ADGRG2: variants seen among roughly 807,000 people sequenced by gnomAD.
The protein encoded by ADGRG2 is G protein-coupled receptor 64.
In ADGRG2, 26 loss-of-function variants were observed where a neutral mutation model predicts 74.1. The observed-to-expected ratio is 0.35, with a 90% CI of 0.26 to 0.49. The LOEUF (loss-of-function observed/expected upper bound fraction) is 0.49. ADGRG2 is among the 20% of genes least tolerant of loss of function. The pLI, the probability that ADGRG2 is intolerant of heterozygous loss-of-function variation, is 0.99. For synonymous variants in ADGRG2, 296 were observed against 295.2 expected (o/e 1.00, Z -0.03); for missense variants, 619 against 763.1 (o/e 0.81, Z 2.22).
chrX:19,063,706 G>A (rs5955686), intron 3 of ADGRG2, among the ~76,000 whole-genome samples: 2,643 of 111,781 alleles, frequency 0.024, 42 homozygotes, highest in Middle Eastern at 0.046. Flanking sequence ...AAGGAAGCCC[G>A]TAATGAGTGT....
intron 2 of ADGRG2, among the ~76,000 whole-genome samples, chrX:19,070,639 T>C (rs747761725): frequency 5.8e-4 from 65 of 112,246 alleles, no homozygotes; most frequent in African/African-American, 2.1e-3. Context: ...CAGAGGGAAG[T>C]GGCTGGGACA....
chrX:19,001,626 C>T (rs2060134104), intron 24 of ADGRG2, among the ~76,000 whole-genome samples: 2 of 111,698 alleles, frequency 1.8e-5, no homozygotes, highest in Admixed American at 9.5e-5. Context: ...GTATCTGGAG[C>T]GTTGACTTAT....
chrX:18,991,757 C>T (rs775779904), intron 28 of ADGRG2, among the ~76,000 whole-genome samples: 120 of 111,913 alleles, frequency 1.1e-3, no homozygotes, highest in Non-Finnish European at 1.8e-3. Flanking sequence ...GTGCTGGCCT[C>T]CTCTAGTTAC....
intron 1 of ADGRG2, among the ~76,000 whole-genome samples, chrX:19,112,764 C>T (rs1441120990): frequency 2.8e-5 from 3 of 108,625 alleles, no homozygotes; most frequent in Non-Finnish European, 5.7e-5. Context: ...TCGAGACCAT[C>T]CTGGCCAACA....
chrX:19,012,235 C>T (rs776152432), intron 16 of ADGRG2, among the ~76,000 whole-genome samples: 1 of 111,619 alleles, frequency 9.0e-6, no homozygotes, highest in Non-Finnish European at 1.9e-5. Context: ...TCCTGGGTAA[C>T]ACCTCAATCT....
At chrX:19,042,819 C>T (rs762605866) in intron 3 of ADGRG2, among the ~76,000 whole-genome samples, 4 of 110,923 alleles carry the variant, frequency 3.6e-5, no homozygotes, top group East Asian at 2.8e-4. Context: ...GGCGAAACCC[C>T]GTCTCTACTA....
rs2060581019 is a variant in ADGRG2 at position 19,021,182 on chromosome X, A to T, written c.565T>A (p.Phe189Ile). 1 of 1,033,052 alleles carries T rather than the reference A, an allele frequency of 9.7e-7. No individual in the cohort carries two copies. The highest frequency in any genetic ancestry group is 3.0e-5 in the East Asian group (1 of 33,084). 85.1% of individuals were successfully genotyped at this position (1,033,052 alleles called of 1,213,427 possible). Reference protein sequence around the residue: ...AEAQSTLNCTFTIKLNNTMNA... With the variant: ...AEAQSTLNCTITIKLNNTMNA... ...ATTGTATTATTCAGTTTTATTGTGA[A>T]TGTACAATTTAATGTGCTGTAAGGA... The change falls in exon 14 of 29, where the codon TTC (phenylalanine) becomes ATC (isoleucine). Residue 189 changes from phenylalanine (F) to isoleucine (I), a missense_variant. By Grantham distance (21) the Phe-to-Ile change is conservative. Coordinates refer to ENST00000379869, the MANE Select transcript of ADGRG2 (RefSeq NM_001079858.3).
At chrX:19,031,429 A>G (rs1327987971) in intron 8 of ADGRG2, 1 of 135,229 alleles carries the variant, frequency 7.4e-6, no homozygotes, top group Non-Finnish European at 1.5e-5. Context: ...GAGTCTATGA[A>G]CACTCTAATG....
intron 1 of ADGRG2, among the ~76,000 whole-genome samples, chrX:19,105,391 T>G (rs745811101): frequency 3.5e-4 from 39 of 112,466 alleles, no homozygotes; most frequent in Non-Finnish European, 5.8e-4. Context: ...CCAACTATAA[T>G]TAGTTGCTAT....
At chrX:19,098,816 A>G (rs1012412584) in intron 1 of ADGRG2, among the ~76,000 whole-genome samples, 1 of 112,179 alleles carries the variant, frequency 8.9e-6, no homozygotes, top group Non-Finnish European at 1.9e-5. Context: ...TCAATCACCT[A>G]TTAACCCAGA....
chrX:19,063,071 C>T (rs919471244), intron 3 of ADGRG2, among the ~76,000 whole-genome samples: 13 of 109,988 alleles, frequency 1.2e-4, no homozygotes, highest in Non-Finnish European at 2.3e-4. Context: ...TGCCAAAACC[C>T]ATTCTGGTAG....
chrX:19,112,336 G>A (rs2062426412), intron 1 of ADGRG2, among the ~76,000 whole-genome samples: 1 of 111,025 alleles, frequency 9.0e-6, no homozygotes, highest in African/African-American at 3.3e-5. Context: ...GCCTCCCAAA[G>A]TACTGGGATT....
At chrX:19,049,455 T>TTTTTTTTTTTTTTTTTTTTTTTTTTTTG (rs1328733136) in intron 3 of ADGRG2, among the ~76,000 whole-genome samples, 1 of 90,996 alleles carries the variant, frequency 1.1e-5, no homozygotes, top group Non-Finnish European at 2.1e-5. Context: ...TTTTTTTTTT[T>TTTTTTTTTTTTTTTTTTTTTTTTTTTTG]TTGTTGTTGT....
At chrX:19,015,411 A>G (rs765774987) in intron 15 of ADGRG2, among the ~76,000 whole-genome samples, 214 of 112,436 alleles carry the variant, frequency 1.9e-3, no homozygotes, top group African/African-American at 6.6e-3. Context: ...ACAGTCAGAA[A>G]CATCATGAGT....
chrX:19,023,850 T>C, intron 12 of ADGRG2, 59 bp downstream of exon 12: 2 of 806,297 alleles, frequency 2.5e-6, no homozygotes, highest in Non-Finnish European at 3.8e-6. Flanking sequence ...CAGAACCCTA[T>C]GCTTTCCCCC....
chrX:19,119,742 T>C (rs1018938161), intron 1 of ADGRG2, among the ~76,000 whole-genome samples: 2 of 111,606 alleles, frequency 1.8e-5, no homozygotes, highest in Non-Finnish European at 3.8e-5. Context: ...ACATCAGCCA[T>C]GGAAAATCAG....
intron 9 of ADGRG2, among the ~76,000 whole-genome samples, chrX:19,030,360 C>T (rs983611063): frequency 4.0e-4 from 45 of 112,294 alleles, no homozygotes; most frequent in African/African-American, 1.4e-3. Context: ...GTGGTTGTTT[C>T]ATTCCGTCTG....
intron 15 of ADGRG2, among the ~76,000 whole-genome samples, chrX:19,016,350 C>T (rs1488351661): frequency 9.1e-6 from 1 of 109,719 alleles, no homozygotes; most frequent in Non-Finnish European, 1.9e-5. Context: ...AACCTAAGAA[C>T]CAACATATTA....
chrX:19,118,857 A>AGC (rs769925260), intron 1 of ADGRG2, among the ~76,000 whole-genome samples: 7 of 112,795 alleles, frequency 6.2e-5, no homozygotes, highest in Non-Finnish European at 1.1e-4. Context: ...GATACTGCTC[A>AGC]GCAACAGTAA....
Sources: allele counts gnomAD v4.1 joint callset (sites outside exome capture counted in the v4.1 genomes callset), GRCh38; gene constraint gnomAD v4.1.1; transcripts MANE v1.5; gene names NCBI Gene and HGNC (gene_info 2026-07-23, HGNC 2026-07-21).